DNAJB1: variants seen among roughly 807,000 people sequenced by gnomAD.
The protein encoded by DNAJB1 is DnaJ heat shock protein family (Hsp40) member B1, also known as dnaJ homolog subfamily B member 1.
Under a neutral mutation model 24.0 loss-of-function variants are expected in DNAJB1, and 14 were observed. The ratio of observed to expected loss-of-function variants is 0.58; its 90% CI spans 0.39 to 0.91. The LOEUF (loss-of-function observed/expected upper bound fraction) is 0.91. Among genes scored for constraint, DNAJB1 ranks in the 40% least tolerant of loss-of-function variants. DNAJB1 has a pLI of 0.00. For synonymous variants in DNAJB1, 262 were observed against 174.4 expected (o/e 1.50, Z -3.96); for missense variants, 517 against 458.1 (o/e 1.13, Z -1.17).
At chr19:14,544,661 TCTCA>T (rs2073240951) in intron 1 of DNAJB1, among the ~76,000 whole-genome samples, 2 of 147,192 alleles carry the variant, frequency 1.4e-5, no homozygotes, top group Non-Finnish European at 3.0e-5. Context: ...TGAGACAGGG[TCTCA>T]CTCTGTCGCC....
chr19:14,552,087 C>A (rs1412751856), upstream of DNAJB1, among the ~76,000 whole-genome samples: 1 of 150,636 alleles, frequency 6.6e-6, no homozygotes, highest in Non-Finnish European at 1.5e-5. Flanking sequence ...AGTCCATCTA[C>A]CTTGGCCTCC....
intron 1 of DNAJB1, among the ~76,000 whole-genome samples, chr19:14,543,424 T>A (rs1221556328): frequency 2.6e-3 from 18 of 7,034 alleles, no homozygotes; most frequent in African/African-American, 2.7e-3. Flanking sequence ...TATATATTTT[T>A]TTTTTTTTTT....
chr19:14,554,043 G>T (rs557699683), upstream of DNAJB1, among the ~76,000 whole-genome samples: 1 of 152,338 alleles, frequency 6.6e-6, no homozygotes, highest in African/African-American at 2.4e-5. Context: ...CAGGTGGGCT[G>T]TGCGGCACCA....
chr19:14,517,057 G>A lies in DNAJB1; in HGVS notation c.212-11C>T, dbSNP rs778827850. 12 of 1,593,886 alleles carry A rather than the reference G, an allele frequency of 7.5e-6. No homozygotes were observed. The highest frequency in any genetic ancestry group is 1.0e-5 in the Non-Finnish European group (12 of 1,169,172). On this transcript the variant is annotated splice_polypyrimidine_tract_variant and intron_variant, in intron 1 of 2. Coordinates refer to ENST00000254322, the MANE Select transcript of DNAJB1 (RefSeq NM_006145.3). ...CACTCCCCTTTAGGCCTGAAAAGCAGATTTAGAAGCAGTCAGATGGCTGAA... is the reference window on the plus strand; with the variant it reads ...CACTCCCCTTTAGGCCTGAAAAGCAAATTTAGAAGCAGTCAGATGGCTGAA...
At chr19:14,543,419 A>ATTTTT (rs1169742953) in intron 1 of DNAJB1, among the ~76,000 whole-genome samples, 7 of 21,890 alleles carry the variant, frequency 3.2e-4, no homozygotes, top group Non-Finnish European at 5.1e-4. Flanking sequence ...ATATATATAT[A>ATTTTT]TTTTTTTTTT....
chr19:14,558,547 G>A (rs983793871), intron 1 of DNAJB1, among the ~76,000 whole-genome samples: 18 of 152,126 alleles, frequency 1.2e-4, no homozygotes, highest in African/African-American at 3.9e-4. Context: ...TCAGGCTAGT[G>A]GAACTGTCAT....
chr19:14,520,107 G>A (rs1455482597), upstream of DNAJB1, among the ~76,000 whole-genome samples: 2 of 152,162 alleles, frequency 1.3e-5, no homozygotes, highest in Non-Finnish European at 2.9e-5. Context: ...TGAGGAATGA[G>A]GATAGCAGTT....
At chr19:14,534,437 T>C, upstream of DNAJB1, among the ~76,000 whole-genome samples, 1 of 114,928 alleles carries the variant, frequency 8.7e-6, no homozygotes, top group Non-Finnish European at 1.8e-5. Context: ...TTTTTTTTTT[T>C]TTTTTTTTTT....
intron 1 of DNAJB1, among the ~76,000 whole-genome samples, chr19:14,543,628 C>CG (rs1468877321): frequency 3.4e-5 from 5 of 148,730 alleles, no homozygotes; most frequent in Non-Finnish European, 7.4e-5. Flanking sequence ...TTAGTAGAGA[C>CG]GGGGTTTCAC....
chr19:14,536,561 C>G (rs777687224), intron 1 of DNAJB1: 1 of 152,178 alleles, frequency 6.6e-6, no homozygotes, highest in Non-Finnish European at 1.5e-5. Flanking sequence ...TGAGCCACAG[C>G]GGCTGGCCTT....
chr19:14,549,366 C>A (rs1015340505), intron 1 of DNAJB1, among the ~76,000 whole-genome samples: 6 of 152,012 alleles, frequency 3.9e-5, no homozygotes, highest in Admixed American at 3.9e-4. Flanking sequence ...GCATGCGCCA[C>A]CATGCCCAGC....
chr19:14,530,993 TTA>T (rs1336894934), upstream of DNAJB1: 1 of 152,196 alleles, frequency 6.6e-6, no homozygotes, highest in Non-Finnish European at 1.5e-5. Context: ...CCATTCCGTC[TTA>T]ATGAATTGAC....
chr19:14,527,165 C>CTTTTTTTTTTTTTTT lies in DNAJB1; in HGVS notation c.-90+546_-90+560dup, dbSNP rs369143149. Among the ~76,000 whole-genome samples, 14 of 41,306 alleles carry CTTTTTTTTTTTTTTT rather than the reference C, an allele frequency of 3.4e-4. 3 individuals carry two copies. Among genetic ancestry groups the CTTTTTTTTTTTTTTT allele is most frequent in the Admixed American group, 4.0e-4 (1 of 2,474 alleles). 27.1% of individuals were successfully genotyped at this position (41,306 alleles called of 152,430 possible). A position where few individuals can be genotyped will look rare whatever the true frequency, so the allele number is the denominator to read the frequency against. On this transcript the variant is annotated intron_variant, in intron 2 of 3. Transcript: ENST00000396969. The stretch of plus-strand genomic sequence containing the variant: ...AACTGCCACCAGAAAAATATCTCTG[C>CTTTTTTTTTTTTTTT]TTTTTTTTTTTTTTTTTTTTTTTTT...
chr19:14,530,796 T>G (rs1490221552), upstream of DNAJB1: 1 of 152,180 alleles, frequency 6.6e-6, no homozygotes, highest in Non-Finnish European at 1.5e-5. Context: ...ACATAAAATT[T>G]ACCATCTTGA....
At chr19:14,532,495 AGAGC>A (rs776090183), upstream of DNAJB1, 11 of 145,356 alleles carry the variant, frequency 7.6e-5, no homozygotes, top group Non-Finnish European at 1.5e-4. Flanking sequence ...CCTGGATGAC[AGAGC>A]GAGAGTCTGT....
chr19:14,535,771 A>AG (rs2072877624), intron 1 of DNAJB1, among the ~76,000 whole-genome samples: 1 of 145,060 alleles, frequency 6.9e-6, no homozygotes, highest in African/African-American at 2.5e-5. Context: ...AAAAAAAAAA[A>AG]AAAAAAGGGA....
upstream of DNAJB1, among the ~76,000 whole-genome samples, chr19:14,534,360 A>G (rs1448120811): frequency 1.5e-5 from 2 of 136,504 alleles, no homozygotes; most frequent in East Asian, 4.6e-4. Flanking sequence ...TCCTGACCTT[A>G]TGATCCGCCC....
At chr19:14,519,469 C>T (rs2072337544), upstream of DNAJB1, among the ~76,000 whole-genome samples, 1 of 152,204 alleles carries the variant, frequency 6.6e-6, no homozygotes. Flanking sequence ...GGAAGACTGC[C>T]TCTGTTCTCA....
At chr19:14,516,301 C>T in intron 2 of DNAJB1, 131 bp from the exon 3 acceptor site, 2 of 1,275,890 alleles carry the variant, frequency 1.6e-6, no homozygotes, top group East Asian at 2.5e-5. Context: ...ATCTACACGT[C>T]CCCACCACGA....
Sources: allele counts gnomAD v4.1 joint callset (sites outside exome capture counted in the v4.1 genomes callset), GRCh38; gene constraint gnomAD v4.1.1; transcripts MANE v1.5; gene names NCBI Gene and HGNC (gene_info 2026-07-23, HGNC 2026-07-21).